Variants in OR4N2 observed in about 807,000 individuals in gnomAD.
OR4N2 encodes the protein olfactory receptor 4N2.
For synonymous variants in OR4N2, 141 were observed against 140.4 expected (o/e 1.00, Z -0.03); for missense variants, 307 against 377.6 (o/e 0.81, Z 1.55).
chr14:19,811,069 G>C, intron 1 of OR4N2, among the ~76,000 whole-genome samples: 1 of 152,122 alleles, frequency 6.6e-6, no homozygotes, highest in Admixed American at 6.5e-5. Flanking sequence ...TGTAAGAAAC[G>C]GGTAATGCCA....
intron 1 of OR4N2, among the ~76,000 whole-genome samples, chr14:19,806,657 G>A (rs1402538201): frequency 4.6e-5 from 7 of 152,008 alleles, no homozygotes; most frequent in Non-Finnish European, 8.8e-5. Flanking sequence ...GTATCATTAA[G>A]GCAGAACACT....
chr14:19,807,108 A>G (rs1879182696), intron 1 of OR4N2, among the ~76,000 whole-genome samples: 2 of 152,030 alleles, frequency 1.3e-5, no homozygotes, highest in South Asian at 2.1e-4. Flanking sequence ...AGGAAAGATT[A>G]TAGCATTAAA....
chr14:19,815,331 CTG>C (rs1879397455), intron 1 of OR4N2, among the ~76,000 whole-genome samples: 1 of 152,390 alleles, frequency 6.6e-6, no homozygotes, highest in Non-Finnish European at 1.5e-5. Flanking sequence ...TCTCCAGCAT[CTG>C]TTGTTTCCTG....
intron 1 of OR4N2, among the ~76,000 whole-genome samples, chr14:19,810,137 A>G (rs1164310539): frequency 6.6e-6 from 1 of 152,270 alleles, no homozygotes; most frequent in Non-Finnish European, 1.5e-5. Flanking sequence ...TCTACAAGGA[A>G]CTTAAATTAT....
chr14:19,808,721 T>C (rs1594392923), intron 1 of OR4N2, among the ~76,000 whole-genome samples: 1 of 151,854 alleles, frequency 6.6e-6, no homozygotes, highest in East Asian at 1.9e-4. Flanking sequence ...AGAAAAAAGA[T>C]CTAAAATTCA....
chr14:19,816,849 A>G (rs1207565928), intron 1 of OR4N2, among the ~76,000 whole-genome samples: 16 of 152,180 alleles, frequency 1.1e-4, no homozygotes, highest in Non-Finnish European at 2.1e-4. Context: ...AATAGCTCTT[A>G]TTATTTTCAG....
chr14:19,816,060 A>G (rs1221407541), intron 1 of OR4N2, among the ~76,000 whole-genome samples: 1 of 152,138 alleles, frequency 6.6e-6, no homozygotes, highest in African/African-American at 2.4e-5. Flanking sequence ...TGGTCTATAG[A>G]TCTGTTTTGG....
intron 1 of OR4N2, among the ~76,000 whole-genome samples, chr14:19,818,094 G>A (rs1213841985): frequency 6.6e-6 from 1 of 152,196 alleles, no homozygotes; most frequent in Non-Finnish European, 1.5e-5. Flanking sequence ...GCTGAGGAGT[G>A]CTTTACTTCC....
At chr14:19,822,317 T>G (rs1452212237) in intron 1 of OR4N2, 2 of 152,268 alleles carry the variant, frequency 1.3e-5, no homozygotes, top group African/African-American at 4.8e-5. Context: ...ATATGTATCA[T>G]TTTCCTTATT....
At position 19,828,276 on chromosome 14, in the gene OR4N2, A is replaced by C. The variant is rs767558716; in HGVS notation, c.828A>C (p.Thr276=). 3.1e-6 allele frequency: 5 copies of C among 1,614,068 alleles called. No homozygotes were observed. The highest frequency in any genetic ancestry group is 4.2e-6 in the Non-Finnish European group (5 of 1,180,038). ...PADKVVSLFH[T]VIFPLLNPVI... ...ACAAGGTGGTTTCTCTCTTCCACACAGTGATTTTTCCTTTGTTGAATCCTG... is the reference window on the plus strand; with the variant it reads ...ACAAGGTGGTTTCTCTCTTCCACACCGTGATTTTTCCTTTGTTGAATCCTG... Residue 276 remains threonine, a synonymous_variant, in exon 2 of 2, where the codon ACA becomes ACC. Coordinates refer to ENST00000557677, the MANE Select transcript of OR4N2 (RefSeq NM_001004723.3).
At chr14:19,813,620 C>A (rs1448533606) in intron 1 of OR4N2, among the ~76,000 whole-genome samples, 2 of 152,204 alleles carry the variant, frequency 1.3e-5, no homozygotes, top group Non-Finnish European at 2.9e-5. Flanking sequence ...CATTTTGGTG[C>A]CTTGATGTCA....
intron 1 of OR4N2, among the ~76,000 whole-genome samples, chr14:19,806,780 CAT>C (rs1374509975): frequency 3.3e-5 from 5 of 152,182 alleles, no homozygotes; most frequent in Admixed American, 3.3e-4. Flanking sequence ...GCACATGGAA[CAT>C]ATTGTAAGAT....
At chr14:19,827,418 T>C in intron 1 of OR4N2, 22 bp from the exon 2 acceptor site, 1 of 1,533,426 alleles carries the variant, frequency 6.5e-7, no homozygotes, top group Non-Finnish European at 8.8e-7. Flanking sequence ...AACAATTAAT[T>C]CTGCTTCTTA....
chr14:19,812,391 G>A (rs1251036108), intron 1 of OR4N2, among the ~76,000 whole-genome samples: 5 of 144,172 alleles, frequency 3.5e-5, no homozygotes, highest in Middle Eastern at 3.6e-3. Flanking sequence ...CGACAGTGGC[G>A]CAATCTCGGC....
rs1398446090 is a variant in OR4N2 at position 19,829,477 on chromosome 14, A to G, written c.*1105A>G. 1.3e-5 allele frequency: 2 copies of G among 152,420 alleles called. No individual in the cohort carries two copies. Among genetic ancestry groups the G allele is most frequent in the South Asian group, 2.1e-4 (1 of 4,830 alleles). 9.4% of individuals were successfully genotyped at this position (152,420 alleles called of 1,614,324 possible). A position where few individuals can be genotyped will look rare whatever the true frequency, so the allele number is the denominator to read the frequency against. ...AGAGAAGACTATAGGCTGGACGTCCAGAGATGCCTTACAGACTAACACAGG... is the reference window on the plus strand; with the variant it reads ...AGAGAAGACTATAGGCTGGACGTCCGGAGATGCCTTACAGACTAACACAGG... On this transcript the variant is annotated 3_prime_UTR_variant, in exon 2 of 2. Transcript: ENST00000557677.
intron 1 of OR4N2, among the ~76,000 whole-genome samples, chr14:19,807,457 A>G (rs1202962824): frequency 2.6e-5 from 4 of 152,116 alleles, no homozygotes; most frequent in African/African-American, 9.6e-5. Context: ...AAGCAACTCT[A>G]TGCATACAAA....
intron 1 of OR4N2, among the ~76,000 whole-genome samples, chr14:19,817,969 T>C (rs1879469354): frequency 6.6e-6 from 1 of 152,254 alleles, no homozygotes. Context: ...CAGGAGCAGG[T>C]TGTTCAGTTT....
chr14:19,807,767 G>A (rs1180638264), intron 1 of OR4N2, among the ~76,000 whole-genome samples: 1 of 152,104 alleles, frequency 6.6e-6, no homozygotes, highest in East Asian at 1.9e-4. Flanking sequence ...CCAAAACCTG[G>A]CAGGGACAGA....
intron 1 of OR4N2, among the ~76,000 whole-genome samples, chr14:19,816,552 G>C (rs189884406): frequency 1.2e-4 from 18 of 152,322 alleles, no homozygotes; most frequent in African/African-American, 4.3e-4. Flanking sequence ...TTTGTATCCC[G>C]AGACTTTGCT....
Sources: allele counts gnomAD v4.1 joint callset (sites outside exome capture counted in the v4.1 genomes callset), GRCh38; gene constraint gnomAD v4.1.1; transcripts MANE v1.5; gene names NCBI Gene and HGNC (gene_info 2026-07-23, HGNC 2026-07-21).